TRPS1: variants seen among roughly 807,000 people sequenced by gnomAD.
TRPS1 encodes transcriptional repressor GATA binding 1.
TRPS1 carries 6 observed loss-of-function variants against 101.2 expected under a neutral mutation model. The observed-to-expected ratio is 0.06, with a 90% CI of 0.03 to 0.12. The LOEUF (loss-of-function observed/expected upper bound fraction) is 0.12. TRPS1 is among the 10% of genes least tolerant of loss of function. The probability of loss-of-function intolerance (pLI) is 1.00; values close to 1 mark genes in which losing one functional copy is unlikely to be tolerated. For synonymous variants in TRPS1, 578 were observed against 589.8 expected, an observed-to-expected ratio of 0.98 and a Z score of 0.29; for missense variants, 1,363 against 1,567.0, an observed-to-expected ratio of 0.87 and a Z score of 2.20.
intron 5 of TRPS1, among the ~76,000 whole-genome samples, chr8:115,454,619 C>A (rs1297853093): frequency 1.3e-5 from 2 of 151,998 alleles, no homozygotes; most frequent in Non-Finnish European, 1.5e-5. Flanking sequence ...ATTTGTAAAT[C>A]CTATAACACT....
At chr8:115,540,098 T>C (rs994964366) in intron 5 of TRPS1, among the ~76,000 whole-genome samples, 1 of 152,246 alleles carries the variant, frequency 6.6e-6, no homozygotes, top group Non-Finnish European at 1.5e-5. Flanking sequence ...CCTTAGAATT[T>C]AGAATTCATA....
At chr8:115,500,100 A>G (rs940344217) in intron 5 of TRPS1, among the ~76,000 whole-genome samples, 1 of 151,688 alleles carries the variant, frequency 6.6e-6, no homozygotes, top group East Asian at 1.9e-4. Context: ...CATGATCTCA[A>G]CTCACTGGAA....
At chr8:115,587,862 TGCACGCAC>T (rs1204376410) in intron 4 of TRPS1, among the ~76,000 whole-genome samples, 2 of 152,096 alleles carry the variant, frequency 1.3e-5, no homozygotes, top group Admixed American at 6.6e-5. Context: ...ACACGCATCG[TGCACGCAC>T]GCACGCACGC....
At chr8:115,508,087 A>G (rs1472441158) in intron 5 of TRPS1, among the ~76,000 whole-genome samples, 8 of 152,116 alleles carry the variant, frequency 5.3e-5, no homozygotes, top group African/African-American at 1.9e-4. Context: ...CCACCTTAAC[A>G]TGTTTATTTA....
chr8:115,543,906 C>G (rs1306803197), intron 5 of TRPS1, among the ~76,000 whole-genome samples: 2 of 152,036 alleles, frequency 1.3e-5, no homozygotes, highest in African/African-American at 4.8e-5. Context: ...GTCTGTTTAA[C>G]ATAATATTGA....
Position 115,668,562 on chromosome 8 carries a change from A to T in TRPS1, c.-139T>A, listed in dbSNP as rs886062625. The T allele has an allele frequency of 6.7e-6, 1 of 149,120 alleles. No homozygotes were observed. Among genetic ancestry groups the T allele is most frequent in the Non-Finnish European group, 1.5e-5 (1 of 67,074 alleles). The allele number at this position is 149,120 out of a possible 1,614,324, so 9.2% of individuals were successfully genotyped here. ...CTCCTTACCTGTTGATTAATCGTCA[A>T]GAACACCCTCGGCAGCCCGAAAGAT... On this transcript the variant is annotated 5_prime_UTR_variant, in exon 1 of 7. In the 5' UTR this introduces an upstream ATG that the reference lacks. Coordinates refer to ENST00000395715, the MANE Select transcript of TRPS1 (RefSeq NM_014112.5).
At chr8:115,615,623 T>C (rs1586460624) in intron 3 of TRPS1, among the ~76,000 whole-genome samples, 1 of 152,178 alleles carries the variant, frequency 6.6e-6, no homozygotes, top group East Asian at 1.9e-4. Flanking sequence ...TAGCTGGGCG[T>C]GGTGGTGCAC....
At chr8:115,639,511 A>G (rs1200083351) in intron 1 of TRPS1, among the ~76,000 whole-genome samples, 1 of 152,180 alleles carries the variant, frequency 6.6e-6, no homozygotes, top group Non-Finnish European at 1.5e-5. Flanking sequence ...TCTCTTAAAC[A>G]GCTTGTACAC....
chr8:115,592,941 A>C (rs1424517434), intron 4 of TRPS1, among the ~76,000 whole-genome samples: 1 of 152,144 alleles, frequency 6.6e-6, no homozygotes, highest in African/African-American at 2.4e-5. Flanking sequence ...GTGTACTCTT[A>C]ATATACCTGT....
intron 1 of TRPS1, among the ~76,000 whole-genome samples, chr8:115,637,681 T>C (rs1182029397): frequency 2.6e-5 from 4 of 152,222 alleles, no homozygotes; most frequent in South Asian, 2.1e-4. Flanking sequence ...GTCATTCATA[T>C]TGATATTATC....
intron 5 of TRPS1, among the ~76,000 whole-genome samples, chr8:115,521,688 A>G (rs1178920609): frequency 2.0e-5 from 3 of 151,968 alleles, no homozygotes; most frequent in Non-Finnish European, 2.9e-5. Flanking sequence ...CTGTATTTAA[A>G]AAATTTAAAT....
chr8:115,613,823 C>T, intron 3 of TRPS1, among the ~76,000 whole-genome samples: 1 of 152,052 alleles, frequency 6.6e-6, no homozygotes, highest in African/African-American at 2.4e-5. Flanking sequence ...GGGATCTGTA[C>T]AAATTTTGAT....
At chr8:115,424,450 A>C (rs1813141624) in intron 5 of TRPS1, among the ~76,000 whole-genome samples, 1 of 152,232 alleles carries the variant, frequency 6.6e-6, no homozygotes, top group Non-Finnish European at 1.5e-5. Context: ...ACTGTGCTAC[A>C]AGCCAGGGTC....
intron 5 of TRPS1, among the ~76,000 whole-genome samples, chr8:115,437,679 T>C (rs938982673): frequency 7.2e-5 from 11 of 152,178 alleles, no homozygotes; most frequent in Non-Finnish European, 1.0e-4. Flanking sequence ...CCATCTTTTA[T>C]ATGAAGTAGC....
At chr8:115,481,718 T>C (rs1814756543) in intron 5 of TRPS1, among the ~76,000 whole-genome samples, 1 of 152,176 alleles carries the variant, frequency 6.6e-6, no homozygotes, top group African/African-American at 2.4e-5. Flanking sequence ...AGGAACACAG[T>C]GGAAACCTGG....
chr8:115,528,964 T>A (rs1235729523), intron 5 of TRPS1, among the ~76,000 whole-genome samples: 1 of 152,030 alleles, frequency 6.6e-6, no homozygotes, highest in Non-Finnish European at 1.5e-5. Context: ...AGGTACACAA[T>A]GGTTACCGTT....
At chr8:115,501,592 G>T (rs553675579) in intron 5 of TRPS1, among the ~76,000 whole-genome samples, 2 of 152,114 alleles carry the variant, frequency 1.3e-5, no homozygotes, top group African/African-American at 4.8e-5. Context: ...AGTTCAAAGT[G>T]CTCACGAAAA....
At chr8:115,463,967 T>C (rs2129985463) in intron 5 of TRPS1, among the ~76,000 whole-genome samples, 1 of 152,158 alleles carries the variant, frequency 6.6e-6, no homozygotes, top group Non-Finnish European at 1.5e-5. Flanking sequence ...GTTTATAGCT[T>C]AATGTGAAAT....
intron 1 of TRPS1, among the ~76,000 whole-genome samples, chr8:115,660,183 C>CA (rs1359339177): frequency 6.6e-6 from 1 of 151,828 alleles, no homozygotes; most frequent in Non-Finnish European, 1.5e-5. Flanking sequence ...TCTGATCTTC[C>CA]ATATGATATG....
Sources: gnomAD v4.1 joint callset for allele counts (sites outside exome capture counted in the v4.1 genomes callset) on GRCh38, gnomAD v4.1.1 for gene constraint, MANE v1.5 for transcripts, NCBI Gene and HGNC (gene_info 2026-07-23, HGNC 2026-07-21) for gene names.